The following WDR70 variants were observed in gnomAD, a reference collection of about 807,000 sequenced individuals.
WDR70 encodes WD repeat domain 70.
In WDR70, 53 loss-of-function variants were observed where a neutral mutation model predicts 88.6. The ratio of observed to expected loss-of-function variants is 0.60; its 90% CI spans 0.48 to 0.75. WDR70 has a LOEUF of 0.75. Among genes scored for constraint, WDR70 ranks in the 30% least tolerant of loss-of-function variants. The probability of loss-of-function intolerance (pLI) is 0.00; values close to 1 mark genes in which losing one functional copy is unlikely to be tolerated. For missense variants in WDR70, 610 were observed against 823.2 expected, an observed-to-expected ratio of 0.74 and a Z score of 3.17; for synonymous variants, 280 against 270.0, an observed-to-expected ratio of 1.04 and a Z score of -0.36.
chr5:37,724,792 T>C (rs895757107), intron 15 of WDR70, 142 bp from the exon 16 acceptor site: 1 of 831,900 alleles, frequency 1.2e-6, no homozygotes, highest in Admixed American at 2.3e-5. Context: ...GCTAATTGGT[T>C]ACAGTAAGAC....
chr5:37,389,102 T>C (rs1375856523), intron 3 of WDR70, among the ~76,000 whole-genome samples: 1 of 150,728 alleles, frequency 6.6e-6, no homozygotes, highest in Non-Finnish European at 1.5e-5. Flanking sequence ...TTTTTTTTTT[T>C]TTTTCGTGGA....
chr5:37,583,169 G>C (rs909257258), intron 9 of WDR70, among the ~76,000 whole-genome samples: 4 of 152,332 alleles, frequency 2.6e-5, no homozygotes, highest in Non-Finnish European at 5.9e-5. Flanking sequence ...GCTCATGCCT[G>C]TAATCCCGGC....
chr5:37,692,851 G>A (rs1248629229), intron 10 of WDR70, among the ~76,000 whole-genome samples: 1 of 151,848 alleles, frequency 6.6e-6, no homozygotes, highest in Non-Finnish European at 1.5e-5. Flanking sequence ...ATATAGTATT[G>A]GAAGTTCTGG....
At chr5:37,711,677 C>G (rs112995654) in intron 13 of WDR70, among the ~76,000 whole-genome samples, 1 of 152,158 alleles carries the variant, frequency 6.6e-6, no homozygotes, top group South Asian at 2.1e-4. Context: ...CTTTGATACT[C>G]TCTTCTCAGC....
intron 9 of WDR70, among the ~76,000 whole-genome samples, chr5:37,589,245 CACAT>C (rs770292700): frequency 2.3e-4 from 25 of 110,182 alleles, no homozygotes; most frequent in African/African-American, 9.2e-4. Context: ...TATACCTACA[CACAT>C]ACACACACAC....
intron 5 of WDR70, among the ~76,000 whole-genome samples, chr5:37,404,377 T>C (rs1234203473): frequency 6.6e-6 from 1 of 152,228 alleles, no homozygotes; most frequent in African/African-American, 2.4e-5. Context: ...AATGAAATTA[T>C]TGCTTTTTTT....
At chr5:37,704,651 T>C (rs191960816) in intron 13 of WDR70, among the ~76,000 whole-genome samples, 7 of 152,356 alleles carry the variant, frequency 4.6e-5, no homozygotes, top group African/African-American at 1.4e-4. Flanking sequence ...CGGAAACTTT[T>C]TGTTCACTGC....
At chr5:37,550,864 C>T (rs1561897992) in intron 9 of WDR70, among the ~76,000 whole-genome samples, 3 of 152,024 alleles carry the variant, frequency 2.0e-5, no homozygotes, top group South Asian at 2.1e-4. Flanking sequence ...ATTGATTTAG[C>T]TTTTTATTTT....
intron 8 of WDR70, among the ~76,000 whole-genome samples, chr5:37,514,272 G>T (rs1740809328): frequency 7.0e-6 from 1 of 142,880 alleles, no homozygotes; most frequent in African/African-American, 2.5e-5. Context: ...TTCTGCCTCA[G>T]CCTCCCAGAA....
At chr5:37,545,129 G>A (rs919226092) in intron 9 of WDR70, among the ~76,000 whole-genome samples, 1 of 152,078 alleles carries the variant, frequency 6.6e-6, no homozygotes, top group Non-Finnish European at 1.5e-5. Flanking sequence ...CCTATTTATA[G>A]CTTTTGAGTT....
At chr5:37,500,422 A>G (rs1020739029) in intron 8 of WDR70, among the ~76,000 whole-genome samples, 7 of 152,202 alleles carry the variant, frequency 4.6e-5, no homozygotes, top group South Asian at 4.1e-4. Context: ...TTTTTTTGAT[A>G]TAATGACTTC....
intron 7 of WDR70, among the ~76,000 whole-genome samples, chr5:37,471,069 T>G (rs1376470556): frequency 6.6e-6 from 1 of 152,002 alleles, no homozygotes; most frequent in African/African-American, 2.4e-5. Context: ...TTTTTAGGTT[T>G]TAGGGTTTTG....
At chr5:37,658,046 T>C (rs893472277) in intron 10 of WDR70, among the ~76,000 whole-genome samples, 13 of 150,856 alleles carry the variant, frequency 8.6e-5, no homozygotes, top group African/African-American at 2.9e-4. Flanking sequence ...GTAAAGTAAG[T>C]AAAGTAAAGT....
chr5:37,679,615 G>T (rs1286000557), intron 10 of WDR70, among the ~76,000 whole-genome samples: 1 of 152,194 alleles, frequency 6.6e-6, no homozygotes, highest in African/African-American at 2.4e-5. Context: ...GGAGTACCCG[G>T]CCGTGTGAGG....
At chr5:37,453,646 G>C (rs1200619407) in intron 7 of WDR70, among the ~76,000 whole-genome samples, 1 of 152,208 alleles carries the variant, frequency 6.6e-6, no homozygotes, top group Non-Finnish European at 1.5e-5. Flanking sequence ...CCAGTTTATG[G>C]CCAGATTTTG....
intron 10 of WDR70, among the ~76,000 whole-genome samples, chr5:37,623,431 T>G (rs1241428933): frequency 1.3e-5 from 2 of 152,160 alleles, no homozygotes; most frequent in Non-Finnish European, 2.9e-5. Context: ...AAAGAAAAGA[T>G]ACAGATACTA....
At chr5:37,385,592 ATG>A (rs35184649) in intron 3 of WDR70, among the ~76,000 whole-genome samples, 98,885 of 148,680 alleles carry the variant, frequency 0.67, 38,011 homozygotes, top group East Asian at 0.88. Context: ...GTGGGTGGGG[ATG>A]AAAGTTCCAA....
chr5:37,456,363 T>C (rs1738840594), intron 7 of WDR70, among the ~76,000 whole-genome samples: 1 of 152,232 alleles, frequency 6.6e-6, no homozygotes, highest in Non-Finnish European at 1.5e-5. Context: ...ATTGAGCTTA[T>C]ATGTCTTCTT....
intron 9 of WDR70, among the ~76,000 whole-genome samples, chr5:37,586,539 C>T (rs1743369320): frequency 6.6e-6 from 1 of 152,094 alleles, no homozygotes; most frequent in Non-Finnish European, 1.5e-5. Context: ...AGGTATTTCT[C>T]CTAATGCTCT....
Sources: gnomAD v4.1 joint callset for allele counts (sites outside exome capture counted in the v4.1 genomes callset) on GRCh38, gnomAD v4.1.1 for gene constraint, MANE v1.5 for transcripts, NCBI Gene and HGNC (gene_info 2026-07-23, HGNC 2026-07-21) for gene names.